Variants in WWOX observed in about 807,000 individuals in gnomAD.
The protein encoded by WWOX is WW domain-containing oxidoreductase.
Under a neutral mutation model 46.2 loss-of-function variants are expected in WWOX, and 69 were observed. The ratio of observed to expected loss-of-function variants is 1.49; its 90% CI spans 1.23 to 1.82. WWOX has a LOEUF of 1.82. WWOX is among the 40% of genes most tolerant of loss of function. The probability of loss-of-function intolerance (pLI) is 0.00; values close to 1 mark genes in which losing one functional copy is unlikely to be tolerated. For missense variants in WWOX, 919 were observed against 542.6 expected, an observed-to-expected ratio of 1.69 and a Z score of -6.89; for synonymous variants, 359 against 202.6, an observed-to-expected ratio of 1.77 and a Z score of -6.56.
chr16:78,331,247 C>A (rs902167000), intron 5 of WWOX, among the ~76,000 whole-genome samples: 4 of 152,098 alleles, frequency 2.6e-5, no homozygotes, highest in African/African-American at 9.7e-5. Flanking sequence ...GCGTTTCTTG[C>A]ATTTGTTACT....
chr16:78,759,956 C>G (rs1424222180), intron 8 of WWOX, among the ~76,000 whole-genome samples: 2 of 152,182 alleles, frequency 1.3e-5, no homozygotes, highest in African/African-American at 2.4e-5. Flanking sequence ...TTCTGTGACT[C>G]TGACCTTCTT....
At chr16:78,917,728 T>A (rs1459375640) in intron 8 of WWOX, among the ~76,000 whole-genome samples, 2 of 152,108 alleles carry the variant, frequency 1.3e-5, no homozygotes, top group Non-Finnish European at 2.9e-5. Context: ...TTTTTGGTAG[T>A]GCCTCCAGAA....
chr16:78,910,549 C>T (rs894743680), intron 8 of WWOX, among the ~76,000 whole-genome samples: 1 of 149,848 alleles, frequency 6.7e-6, no homozygotes, highest in African/African-American at 2.5e-5. Context: ...TGAGTCTTTT[C>T]TCATACTACT....
At chr16:78,116,799 T>A (rs1239059052) in intron 4 of WWOX, among the ~76,000 whole-genome samples, 2 of 152,242 alleles carry the variant, frequency 1.3e-5, no homozygotes, top group Admixed American at 1.3e-4. Context: ...CCAGAAACTT[T>A]AAAGATCTTA....
chr16:78,428,564 C>T (rs1463924758), intron 7 of WWOX, among the ~76,000 whole-genome samples: 1 of 152,186 alleles, frequency 6.6e-6, no homozygotes, highest in Non-Finnish European at 1.5e-5. Context: ...TCTAATTTGT[C>T]ATCATGGGAT....
At chr16:78,834,746 G>A (rs1311956674) in intron 8 of WWOX, among the ~76,000 whole-genome samples, 1 of 152,148 alleles carries the variant, frequency 6.6e-6, no homozygotes, top group Non-Finnish European at 1.5e-5. Context: ...CAGACAAAGA[G>A]AAAGGCTAAC....
At chr16:79,046,818 C>G (rs1056211320) in intron 8 of WWOX, among the ~76,000 whole-genome samples, 2 of 152,188 alleles carry the variant, frequency 1.3e-5, no homozygotes, top group East Asian at 3.9e-4. Context: ...TGCACTACAA[C>G]AAATGTCTCT....
chr16:78,406,696 G>A (rs1469428026), intron 6 of WWOX, among the ~76,000 whole-genome samples: 5 of 149,622 alleles, frequency 3.3e-5, no homozygotes, highest in African/African-American at 4.9e-5. Flanking sequence ...GCGCAATCTC[G>A]GCTCACTGCA....
intron 4 of WWOX, among the ~76,000 whole-genome samples, chr16:78,141,498 C>T (rs990495316): frequency 3.6e-5 from 5 of 140,346 alleles, no homozygotes; most frequent in Non-Finnish European, 7.5e-5. Flanking sequence ...GCCCATTCTA[C>T]AAGGGAAAAA....
chr16:78,797,948 A>C (rs540007042), intron 8 of WWOX, among the ~76,000 whole-genome samples: 2 of 152,334 alleles, frequency 1.3e-5, no homozygotes, highest in South Asian at 4.1e-4. Flanking sequence ...TGGTCACACC[A>C]CTGCCCTCAA....
At chr16:78,351,190 C>T (rs373516003) in intron 5 of WWOX, among the ~76,000 whole-genome samples, 1 of 152,298 alleles carries the variant, frequency 6.6e-6, no homozygotes, top group South Asian at 2.1e-4. Context: ...TTACAGAGAT[C>T]CTTCTGGTTC....
In WWOX at chr16:78,570,505, C is replaced by T. The variant is rs1286295353; in HGVS notation, c.1056+137753C>T. On this transcript the variant is annotated intron_variant, in intron 8 of 8. Transcript: ENST00000566780. ...TTTTAATTTTTCTTTTATAGAGATG[C>T]AGTATCGCTTGTTGCTCAGGCTGGT... 2.0e-5 allele frequency among the ~76,000 whole-genome samples: 3 copies of T among 152,124 alleles called. No individual in the cohort carries two copies. In the East Asian group the frequency reaches 5.8e-4, roughly 29 times the overall value.
chr16:78,408,466 T>C (rs1173699107), intron 6 of WWOX, among the ~76,000 whole-genome samples: 2 of 152,176 alleles, frequency 1.3e-5, no homozygotes, highest in South Asian at 2.1e-4. Context: ...AGTTAATAAA[T>C]TCGGCTCCAC....
intron 8 of WWOX, among the ~76,000 whole-genome samples, chr16:78,768,703 T>G (rs2049987834): frequency 6.6e-6 from 1 of 152,176 alleles, no homozygotes. Flanking sequence ...AGTTTGTCAC[T>G]CTAATTGCCC....
At chr16:78,200,262 C>T (rs1013968876) in intron 5 of WWOX, among the ~76,000 whole-genome samples, 1 of 151,936 alleles carries the variant, frequency 6.6e-6, no homozygotes, top group African/African-American at 2.4e-5. Flanking sequence ...CTGATTTTCA[C>T]GTGACTCACT....
chr16:79,074,409 C>CTTT lies in WWOX; in HGVS notation c.1057-137168_1057-137166dup, dbSNP rs60074156. ...CATCCTGACTGAAATGTCACTAGTC[C>CTTT]TTTTTTTTTTTTTTTTTTTTTTTTT... is the stretch of plus-strand genomic sequence containing the variant. On this transcript the variant is annotated intron_variant, in intron 8 of 8. Transcript: ENST00000566780. Among the ~76,000 whole-genome samples the CTTT allele has an allele frequency of 3.7e-3, 114 of 30,958 alleles. 7 individuals are homozygous for CTTT. Among genetic ancestry groups the CTTT allele is most frequent in the East Asian group, 0.011 (8 of 718 alleles). The allele number at this position is 30,958 out of a possible 152,430, so 20.3% of individuals were successfully genotyped here. A position where few individuals can be genotyped will look rare whatever the true frequency, so the allele number is the denominator to read the frequency against.
At chr16:79,068,335 G>A (rs1057072700) in intron 8 of WWOX, among the ~76,000 whole-genome samples, 2 of 152,162 alleles carry the variant, frequency 1.3e-5, no homozygotes, top group African/African-American at 4.8e-5. Flanking sequence ...ATGTCCCATT[G>A]TGTTATGTGT....
intron 8 of WWOX, among the ~76,000 whole-genome samples, chr16:78,436,207 G>T (rs897636754): frequency 6.6e-6 from 1 of 152,126 alleles, no homozygotes; most frequent in Non-Finnish European, 1.5e-5. Flanking sequence ...TGTAATCTCT[G>T]CTGACAGAAC....
intron 5 of WWOX, among the ~76,000 whole-genome samples, chr16:78,365,601 C>G (rs989825869): frequency 1.3e-5 from 2 of 152,198 alleles, no homozygotes; most frequent in African/African-American, 2.4e-5. Flanking sequence ...GCTTGTAATT[C>G]TTTCCACATT....
Sources: allele counts gnomAD v4.1 joint callset (sites outside exome capture counted in the v4.1 genomes callset), GRCh38; gene constraint gnomAD v4.1.1; transcripts MANE v1.5; gene names NCBI Gene and HGNC (gene_info 2026-07-23, HGNC 2026-07-21).